The following SORCS3 variants were observed in gnomAD, a reference collection of about 807,000 sequenced individuals.
SORCS3 encodes the protein sortilin related VPS10 domain containing receptor 3.
Under a neutral mutation model 146.3 loss-of-function variants are expected in SORCS3, and 57 were observed. That is an observed-to-expected ratio of 0.39 (90% CI 0.31 to 0.49). SORCS3 has a LOEUF of 0.49. SORCS3 is among the 20% of genes least tolerant of loss of function. The pLI is 0.92. For missense variants in SORCS3, 1,341 were observed against 1,575.5 expected (o/e 0.85, Z 2.52); for synonymous variants, 653 against 618.5 (o/e 1.06, Z -0.83).
intron 1 of SORCS3, among the ~76,000 whole-genome samples, chr10:104,827,795 T>A (rs1407958631): frequency 1.3e-5 from 2 of 152,256 alleles, no homozygotes; most frequent in African/African-American, 2.4e-5. Context: ...GCCACCTTCA[T>A]TAATGATGCA....
At chr10:104,671,688 G>C (rs988209839) in intron 1 of SORCS3, among the ~76,000 whole-genome samples, 4 of 151,802 alleles carry the variant, frequency 2.6e-5, no homozygotes, top group African/African-American at 7.3e-5. Context: ...ATCATGAAAG[G>C]GTTGGTGGAT....
chr10:105,163,890 A>G (rs976206956), intron 11 of SORCS3, among the ~76,000 whole-genome samples: 34 of 141,026 alleles, frequency 2.4e-4, no homozygotes, highest in Middle Eastern at 3.5e-3. Context: ...ACATACACAC[A>G]CACACACACA....
At chr10:104,876,797 CTCTCTT>C (rs1282114397) in intron 2 of SORCS3, among the ~76,000 whole-genome samples, 6 of 141,254 alleles carry the variant, frequency 4.2e-5, no homozygotes, top group African/African-American at 1.4e-4. Context: ...TTTTTTCTTT[CTCTCTT>C]TCTCTTTCTC....
At chr10:104,696,153 T>TATATCCACATATAATATATAATATATATC (rs1554844314) in intron 1 of SORCS3, among the ~76,000 whole-genome samples, 1 of 89,106 alleles carries the variant, frequency 1.1e-5, no homozygotes, top group African/African-American at 4.6e-5. Context: ...ATATATAATA[T>TATATCCACATATAATATATAATATATATC]ATATACACAT....
intron 1 of SORCS3, among the ~76,000 whole-genome samples, chr10:104,642,375 AC>A (rs1554841205): frequency 1.0e-5 from 1 of 99,072 alleles, no homozygotes; most frequent in South Asian, 4.3e-4. Flanking sequence ...GGCTCCCCCT[AC>A]CCCCACCCCA....
intron 5 of SORCS3, among the ~76,000 whole-genome samples, chr10:105,065,827 C>T (rs2055519077): frequency 6.6e-6 from 1 of 152,090 alleles, no homozygotes; most frequent in Non-Finnish European, 1.5e-5. Context: ...CTCAAATAAC[C>T]AAATACATAT....
chr10:105,167,331 T>G lies in SORCS3; in HGVS notation c.1883T>G (p.Leu628Arg). 2 of 1,613,362 alleles carry G rather than the reference T, an allele frequency of 1.2e-6. No individual in the cohort carries two copies. The highest frequency in any genetic ancestry group is 1.7e-6 in the Non-Finnish European group (2 of 1,179,494). Residue 628 changes from leucine (L) to arginine (R), a missense_variant, in exon 13 of 27, where the codon CTG (leucine) becomes CGG (arginine). Physicochemically the swap from Leu to Arg is moderately radical, Grantham distance 102. Coordinates refer to ENST00000369701, the MANE Select transcript of SORCS3 (RefSeq NM_014978.3). ...GALVAMKHTP[L>R]PVRHLWVSFD... ...CTCGTGGCCATGAAACACACACCTC[T>G]GCCAGTCAGGCATTTGTGGTAAGGA...
intron 2 of SORCS3, among the ~76,000 whole-genome samples, chr10:104,848,528 T>C (rs1302522114): frequency 2.0e-5 from 3 of 152,216 alleles, no homozygotes; most frequent in Admixed American, 6.5e-5. Context: ...TCTGAGTGAA[T>C]TAGTGGAAAC....
At chr10:105,088,111 G>C (rs2055675636) in intron 5 of SORCS3, among the ~76,000 whole-genome samples, 1 of 152,188 alleles carries the variant, frequency 6.6e-6, no homozygotes, top group African/African-American at 2.4e-5. Context: ...AAGGAGAGGG[G>C]CAGGGAGATG....
Position 104,915,847 on chromosome 10 carries a change from G to T in SORCS3, c.710G>T (p.Gly237Val), listed in dbSNP as rs764907169. The T allele has an allele frequency of 6.2e-7, 1 of 1,613,944 alleles. No individual in the cohort carries two copies. The highest frequency in any genetic ancestry group is 8.5e-7 in the Non-Finnish European group (1 of 1,179,914). Residue 237 changes from glycine (G) to valine (V), a missense_variant, in exon 3 of 27, where the codon GGC (glycine) becomes GTC (valine). Gly to Val is a moderately radical substitution (Grantham distance 109). Coordinates refer to ENST00000369701, the MANE Select transcript of SORCS3 (RefSeq NM_014978.3). ...ESSLWRSTDYGTTYEKLNDKV... is the reference protein window; with the variant it reads ...ESSLWRSTDYVTTYEKLNDKV... ...TTTACCTGCAGGTCGACAGATTATG[G>T]CACCACCTATGAAAAGCTGAATGAC...
intron 1 of SORCS3, among the ~76,000 whole-genome samples, chr10:104,822,384 A>G (rs2017883741): frequency 6.6e-6 from 1 of 152,234 alleles, no homozygotes. Context: ...TAAATTTCTC[A>G]GGACTGTGGC....
intron 1 of SORCS3, among the ~76,000 whole-genome samples, chr10:104,700,130 A>G (rs1171334435): frequency 1.3e-5 from 2 of 152,230 alleles, no homozygotes; most frequent in Non-Finnish European, 2.9e-5. Flanking sequence ...GCCCTGAGCC[A>G]TCGGCATTCT....
intron 1 of SORCS3, among the ~76,000 whole-genome samples, chr10:104,799,172 G>C (rs971183088): frequency 3.3e-5 from 5 of 152,148 alleles, no homozygotes; most frequent in African/African-American, 1.2e-4. Context: ...ATTACCATTT[G>C]ACCCAGCAAT....
At chr10:105,076,396 G>A (rs703459) in intron 5 of SORCS3, among the ~76,000 whole-genome samples, 104,721 of 152,036 alleles carry the variant, frequency 0.69, 36,295 homozygotes, top group East Asian at 0.84. Context: ...GCAGGGCGGT[G>A]AGATTTTTGT....
intron 1 of SORCS3, among the ~76,000 whole-genome samples, chr10:104,691,552 C>T (rs1462686428): frequency 6.6e-6 from 1 of 152,076 alleles, no homozygotes; most frequent in East Asian, 1.9e-4. Flanking sequence ...GCTCTGGGGA[C>T]GACATTCACT....
intron 4 of SORCS3, among the ~76,000 whole-genome samples, chr10:105,037,322 G>T (rs762055918): frequency 1.3e-5 from 2 of 152,180 alleles, no homozygotes; most frequent in East Asian, 3.9e-4. Flanking sequence ...CAGGGGGTGT[G>T]AGATGCCCAT....
chr10:104,853,129 C>T (rs1055917027), intron 2 of SORCS3, among the ~76,000 whole-genome samples: 3 of 152,220 alleles, frequency 2.0e-5, no homozygotes, highest in South Asian at 2.1e-4. Flanking sequence ...GAAACCTCAT[C>T]TCTACTAAAA....
In SORCS3 at chr10:105,168,573, C is replaced by A. The variant is rs1234710924; in HGVS notation, c.1901+1224C>A. Among the ~76,000 whole-genome samples the A allele has an allele frequency of 1.1e-4, 17 of 152,170 alleles. No individual in the cohort carries two copies. The East Asian group carries it at 2.7e-3, about 24-fold the overall frequency. ...GTGGACCCTAGCCTAACTACCAGGT[C>A]TTAGATATTGGGAGATAAACAAGTT... On this transcript the variant is annotated intron_variant, in intron 13 of 26. Coordinates refer to ENST00000369701, the MANE Select transcript of SORCS3 (RefSeq NM_014978.3).
At chr10:104,931,759 C>A (rs1371474844) in intron 3 of SORCS3, among the ~76,000 whole-genome samples, 2 of 152,142 alleles carry the variant, frequency 1.3e-5, no homozygotes, top group Non-Finnish European at 2.9e-5. Flanking sequence ...TATAGGGCAA[C>A]TTTTGCTTAT....
Sources: allele counts gnomAD v4.1 joint callset (sites outside exome capture counted in the v4.1 genomes callset), GRCh38; gene constraint gnomAD v4.1.1; transcripts MANE v1.5; gene names NCBI Gene and HGNC (gene_info 2026-07-23, HGNC 2026-07-21).